Variants in PTPRD observed in about 807,000 individuals in gnomAD.
PTPRD encodes the protein receptor-type tyrosine-protein phosphatase delta.
Under a neutral mutation model 214.5 loss-of-function variants are expected in PTPRD, and 34 were observed. The ratio of observed to expected loss-of-function variants is 0.16; its 90% CI spans 0.12 to 0.21. PTPRD has a LOEUF of 0.21. Ranked by LOEUF, PTPRD falls within the 10% of genes least tolerant of loss-of-function variation. PTPRD has a pLI of 1.00. For missense variants in PTPRD, 2,545 were observed against 2,398.7 expected, an observed-to-expected ratio of 1.06 and a Z score of -1.27; for synonymous variants, 1,128 against 845.7, an observed-to-expected ratio of 1.33 and a Z score of -5.79.
chr9:9,814,490 C>T (rs1251557639), intron 5 of PTPRD, among the ~76,000 whole-genome samples: 2 of 152,046 alleles, frequency 1.3e-5, no homozygotes, highest in African/African-American at 2.4e-5. Context: ...TATACACTAA[C>T]AATTAACTAT....
chr9:10,016,393 A>ATAGGTAGATAGG (rs145613848), intron 4 of PTPRD, among the ~76,000 whole-genome samples: 3 of 149,902 alleles, frequency 2.0e-5, no homozygotes, highest in Non-Finnish European at 1.5e-5. Flanking sequence ...AGATAGATAG[A>ATAGGTAGATAGG]TAGACAGATA....
chr9:8,879,374 C>A (rs2098422744), intron 11 of PTPRD, among the ~76,000 whole-genome samples: 1 of 152,154 alleles, frequency 6.6e-6, no homozygotes, highest in Non-Finnish European at 1.5e-5. Flanking sequence ...CTTGGCTCTG[C>A]ATTCATTTTT....
intron 10 of PTPRD, among the ~76,000 whole-genome samples, chr9:9,093,974 G>C (rs2099779932): frequency 1.3e-5 from 2 of 151,892 alleles, no homozygotes; most frequent in South Asian, 4.2e-4. Context: ...AATGAAAAGG[G>C]ATATAGGACC....
intron 5 of PTPRD, among the ~76,000 whole-genome samples, chr9:9,872,200 T>C (rs1228434887): frequency 2.0e-5 from 3 of 152,152 alleles, no homozygotes; most frequent in Non-Finnish European, 4.4e-5. Context: ...CTTAGCATAA[T>C]GATTAAAAGT....
At chr9:8,758,825 A>G (rs1317253587) in intron 11 of PTPRD, among the ~76,000 whole-genome samples, 1 of 151,546 alleles carries the variant, frequency 6.6e-6, no homozygotes, top group African/African-American at 2.4e-5. Flanking sequence ...TGGCGCGATG[A>G]CAGGCGTGTG....
chr9:9,169,806 A>G (rs1430039060), intron 10 of PTPRD, among the ~76,000 whole-genome samples: 1 of 152,198 alleles, frequency 6.6e-6, no homozygotes, highest in Non-Finnish European at 1.5e-5. Flanking sequence ...TGCCCAATCC[A>G]AAGAAAACTA....
At chr9:9,085,848 C>T (rs1452231542) in intron 10 of PTPRD, among the ~76,000 whole-genome samples, 4 of 152,150 alleles carry the variant, frequency 2.6e-5, no homozygotes, top group Admixed American at 2.6e-4. Flanking sequence ...CCTCTCGAAT[C>T]TAGAGAAGTC....
At chr9:10,183,348 AT>A (rs1262756154) in intron 3 of PTPRD, among the ~76,000 whole-genome samples, 1 of 152,164 alleles carries the variant, frequency 6.6e-6, no homozygotes, top group African/African-American at 2.4e-5. Context: ...TGACTGTTTC[AT>A]GAACTAGGAT....
At chr9:9,096,468 T>C (rs372904295) in intron 10 of PTPRD, among the ~76,000 whole-genome samples, 1 of 152,238 alleles carries the variant, frequency 6.6e-6, no homozygotes, top group Non-Finnish European at 1.5e-5. Context: ...TTAATTTGTA[T>C]ACTGATTAGA....
chr9:10,363,871 T>C (rs967891046), intron 2 of PTPRD, among the ~76,000 whole-genome samples: 10 of 152,036 alleles, frequency 6.6e-5, no homozygotes, highest in African/African-American at 9.7e-5. Flanking sequence ...ATTTAGCAAA[T>C]ACTGTTACGA....
At chr9:8,497,058 T>C (rs1040314528) in intron 26 of PTPRD, among the ~76,000 whole-genome samples, 184 bp downstream of exon 26, 1 of 152,156 alleles carries the variant, frequency 6.6e-6, no homozygotes, top group Non-Finnish European at 1.5e-5. Context: ...AATAGCACCA[T>C]GCTGATTTCA....
intron 36 of PTPRD, 97 bp downstream of exon 36, chr9:8,404,440 T>C: frequency 1.4e-6 from 2 of 1,469,260 alleles, no homozygotes; most frequent in Non-Finnish European, 1.8e-6. Flanking sequence ...TCTTAATTAC[T>C]TTCAGAGATG....
At chr9:10,598,183 G>C (rs943557991) in intron 2 of PTPRD, among the ~76,000 whole-genome samples, 1 of 151,646 alleles carries the variant, frequency 6.6e-6, no homozygotes, top group Non-Finnish European at 1.5e-5. Flanking sequence ...TATCAGTGTT[G>C]TTTTTGTTAT....
intron 2 of PTPRD, among the ~76,000 whole-genome samples, chr9:10,510,719 A>T (rs781292454): frequency 3.3e-5 from 5 of 152,174 alleles, no homozygotes; most frequent in African/African-American, 4.8e-5. Flanking sequence ...GAAACATTCC[A>T]AATCTACTCT....
intron 11 of PTPRD, among the ~76,000 whole-genome samples, chr9:8,950,753 T>C (rs1588707096): frequency 6.6e-6 from 1 of 151,856 alleles, no homozygotes; most frequent in Non-Finnish European, 1.5e-5. Flanking sequence ...GAGCGATTCC[T>C]GACCCACTCT....
intron 7 of PTPRD, among the ~76,000 whole-genome samples, chr9:9,682,463 G>C (rs1405831021): frequency 6.6e-6 from 1 of 151,768 alleles, no homozygotes; most frequent in East Asian, 1.9e-4. Context: ...CAAAGAACAA[G>C]AAGAAAATTT....
chr9:8,953,235 G>A (rs957256013), intron 11 of PTPRD, among the ~76,000 whole-genome samples: 4 of 151,794 alleles, frequency 2.6e-5, no homozygotes, highest in East Asian at 1.9e-4. Context: ...GAGAAGGGTC[G>A]CTACAGCTGA....
chr9:9,311,989 C>T (rs899256876), intron 9 of PTPRD, among the ~76,000 whole-genome samples: 1 of 152,180 alleles, frequency 6.6e-6, no homozygotes, highest in East Asian at 1.9e-4. Flanking sequence ...GCAATATACA[C>T]TGCAGTTTTA....
At chr9:9,086,337 G>A (rs997797891) in intron 10 of PTPRD, among the ~76,000 whole-genome samples, 1 of 152,140 alleles carries the variant, frequency 6.6e-6, no homozygotes, top group African/African-American at 2.4e-5. Context: ...AACGCATGCT[G>A]TTCATTATGG....
Sources: allele counts gnomAD v4.1 joint callset (sites outside exome capture counted in the v4.1 genomes callset), GRCh38; gene constraint gnomAD v4.1.1; transcripts MANE v1.5; gene names NCBI Gene and HGNC (gene_info 2026-07-23, HGNC 2026-07-21).